The following TRDN variants were observed in gnomAD, a reference collection of about 807,000 sequenced individuals.
TRDN encodes the protein triadin in skeletal muscle.
A neutral mutation model predicts 149.7 loss-of-function variants in TRDN; 161 were observed. The ratio of observed to expected loss-of-function variants is 1.08; its 90% confidence interval spans 0.95 to 1.23. The LOEUF is 1.23. TRDN is among the 50% of genes most tolerant of loss of function. The pLI is 0.00. For synonymous variants in TRDN, 294 were observed against 250.5 expected, an observed-to-expected ratio of 1.17 and a Z score of -1.64; for missense variants, 896 against 823.5, an observed-to-expected ratio of 1.09 and a Z score of -1.08.
chr6:123,470,799 T>A (rs950102740), intron 9 of TRDN: 7 of 152,202 alleles, frequency 4.6e-5, no homozygotes, highest in Non-Finnish European at 8.8e-5. Context: ...ATTAGCTGTA[T>A]CAGATCAGCT....
chr6:123,568,149 A>G (rs1782384273), intron 2 of TRDN, among the ~76,000 whole-genome samples: 1 of 152,200 alleles, frequency 6.6e-6, no homozygotes, highest in African/African-American at 2.4e-5. Flanking sequence ...CAGTCATTAA[A>G]TCTTAAGGTT....
At chr6:123,237,547 C>T (rs1466675962) in intron 38 of TRDN, among the ~76,000 whole-genome samples, 1 of 152,192 alleles carries the variant, frequency 6.6e-6, no homozygotes, top group African/African-American at 2.4e-5. Context: ...TGCGCCCTGA[C>T]ACCCTACTAC....
rs1364039811 is a variant in TRDN at position 123,381,381 on chromosome 6, G to T, written c.1175C>A (p.Pro392His). ...ATGCATTTCCTTACTTTTTCCCTTGGGTTGTTCTACTGAAAGAAATACAAA... is the reference window on the plus strand; with the variant it reads ...ATGCATTTCCTTACTTTTTCCCTTGTGTTGTTCTACTGAAAGAAATACAAA... Reference protein sequence around the residue: ...KTKKPAEVEQPKGKKQEKKEK... With the variant: ...KTKKPAEVEQHKGKKQEKKEK... Residue 392 changes from proline (P) to histidine (H), a missense_variant, in exon 16 of 41, where the codon CCC (proline) becomes CAC (histidine). Pro to His is a moderately conservative substitution (Grantham distance 77). Coordinates refer to ENST00000334268, the MANE Select transcript of TRDN (RefSeq NM_006073.4). 14 of 1,557,166 alleles carry T rather than the reference G, an allele frequency of 9.0e-6. No homozygotes were observed. The highest frequency in any genetic ancestry group is 1.9e-5 in the Admixed American group (1 of 52,194).
At chr6:123,614,361 T>C (rs1201145365) in intron 1 of TRDN, among the ~76,000 whole-genome samples, 2 of 135,632 alleles carry the variant, frequency 1.5e-5, no homozygotes, top group Non-Finnish European at 3.2e-5. Context: ...TTCAAAGATA[T>C]ACAAAATGTA....
At chr6:123,264,584 G>A (rs1426766997) in intron 33 of TRDN, among the ~76,000 whole-genome samples, 2 of 152,072 alleles carry the variant, frequency 1.3e-5, no homozygotes, top group Non-Finnish European at 2.9e-5. Flanking sequence ...CAGAAGCCAA[G>A]TTTGAGATGA....
intron 2 of TRDN, among the ~76,000 whole-genome samples, chr6:123,558,299 G>A (rs952460300): frequency 3.3e-5 from 5 of 151,200 alleles, no homozygotes; most frequent in African/African-American, 7.3e-5. Context: ...GCTGCTCATC[G>A]CCAGGCTGAG....
chr6:123,500,710 T>C (rs1470349213), intron 8 of TRDN, among the ~76,000 whole-genome samples: 1 of 152,132 alleles, frequency 6.6e-6, no homozygotes, highest in Non-Finnish European at 1.5e-5. Flanking sequence ...CTAGTTGGTG[T>C]TCCCTGTGGA....
At chr6:123,454,393 G>A (rs1775978478) in intron 10 of TRDN, among the ~76,000 whole-genome samples, 1 of 152,160 alleles carries the variant, frequency 6.6e-6, no homozygotes, top group African/African-American at 2.4e-5. Flanking sequence ...AAAAAAATAT[G>A]TTTTAGTTTG....
At chr6:123,497,303 A>G in intron 8 of TRDN, 51 bp from the exon 9 acceptor site, 1 of 1,247,104 alleles carries the variant, frequency 8.0e-7, no homozygotes, top group Middle Eastern at 2.0e-4. Context: ...TCAACACTTC[A>G]TTTTTCTACA....
At chr6:123,335,886 C>T (rs1779846567) in intron 22 of TRDN, among the ~76,000 whole-genome samples, 1 of 151,836 alleles carries the variant, frequency 6.6e-6, no homozygotes, top group Non-Finnish European at 1.5e-5. Context: ...ATATCTTTTC[C>T]TGATAGTATG....
intron 1 of TRDN, among the ~76,000 whole-genome samples, chr6:123,581,454 C>T (rs1037994761): frequency 2.0e-5 from 3 of 152,094 alleles, no homozygotes; most frequent in Admixed American, 2.0e-4. Context: ...ACATTTTGCA[C>T]AGTTAAGGCC....
chr6:123,237,837 A>T (rs1366149404), intron 38 of TRDN, among the ~76,000 whole-genome samples: 1 of 152,206 alleles, frequency 6.6e-6, no homozygotes, highest in Non-Finnish European at 1.5e-5. Flanking sequence ...CCAACAAACT[A>T]TAGTAACACT....
At chr6:123,388,325 G>C (rs1288026735) in intron 14 of TRDN, among the ~76,000 whole-genome samples, 197 bp downstream of exon 14, 1 of 152,086 alleles carries the variant, frequency 6.6e-6, no homozygotes, top group Non-Finnish European at 1.5e-5. Context: ...AGAAAGACTA[G>C]ATTAAAATTA....
chr6:123,392,525 T>C lies in TRDN; in HGVS notation c.1105+1099A>G, dbSNP rs1287758810. 2.0e-5 allele frequency among the ~76,000 whole-genome samples: 3 copies of C among 152,078 alleles called. No homozygotes were observed. In the East Asian group the frequency reaches 5.8e-4, roughly 29 times the overall value. On this transcript the variant is annotated intron_variant, in intron 13 of 40. Coordinates refer to ENST00000334268, the MANE Select transcript of TRDN (RefSeq NM_006073.4). ...TTGGCTTGAGGAACTCACCCTGACC[T>C]GCATTTTCATGTATTAAAAAACCAA...
rs781477547 is a variant in TRDN at position 123,221,503 on chromosome 6, A to G, written c.2034T>C (p.Ser678=). ...KKAKEGTEDV[S]PTKQKSPISF... Reference sequence around the variant, plus strand: ...TAAACTTACTTTTCTGCTTTGTGGGAGACACATCTTCAGTTCCTTCTAGTG... The same window carrying G: ...TAAACTTACTTTTCTGCTTTGTGGGGGACACATCTTCAGTTCCTTCTAGTG... Residue 678 remains serine (S), a synonymous_variant, in exon 40 of 41, where the codon TCT becomes TCC. Coordinates refer to ENST00000334268, the MANE Select transcript of TRDN (RefSeq NM_006073.4). 1 of 1,571,106 alleles carries G rather than the reference A, an allele frequency of 6.4e-7. No individual in the cohort carries two copies. The highest frequency in any genetic ancestry group is 8.7e-7 in the Non-Finnish European group (1 of 1,146,856).
At chr6:123,437,353 A>T in intron 12 of TRDN, 1 of 297,596 alleles carries the variant, frequency 3.4e-6, no homozygotes, top group Non-Finnish European at 6.4e-6. Context: ...GTCACTGTAA[A>T]TTCTTTCTCT....
chr6:123,394,351 A>G (rs966652972), intron 12 of TRDN, among the ~76,000 whole-genome samples: 5 of 152,164 alleles, frequency 3.3e-5, no homozygotes, highest in Non-Finnish European at 5.9e-5. Context: ...ACTTAATCAG[A>G]ATGGGAAATA....
intron 24 of TRDN, among the ~76,000 whole-genome samples, chr6:123,314,521 C>T (rs1333857769): frequency 1.3e-5 from 2 of 151,978 alleles, no homozygotes; most frequent in Middle Eastern, 3.2e-3. Context: ...ATAAATCCTT[C>T]TGTTATAAAG....
At chr6:123,635,341 C>CAT (rs1476354068) in intron 1 of TRDN, among the ~76,000 whole-genome samples, 1 of 151,650 alleles carries the variant, frequency 6.6e-6, no homozygotes, top group African/African-American at 2.4e-5. Flanking sequence ...CACACACACA[C>CAT]ACACACACAC....
Sources: allele counts gnomAD v4.1 joint callset (sites outside exome capture counted in the v4.1 genomes callset), GRCh38; gene constraint gnomAD v4.1.1; transcripts MANE v1.5; gene names NCBI Gene and HGNC (gene_info 2026-07-23, HGNC 2026-07-21).